The following TMIGD3 variants were observed in gnomAD, a reference collection of about 807,000 sequenced individuals.
TMIGD3 encodes AD026 protein (AD026).
In TMIGD3, 21 loss-of-function variants were observed where a neutral mutation model predicts 28.1. That is an observed-to-expected ratio of 0.75 (90% CI 0.53 to 1.08). The LOEUF (loss-of-function observed/expected upper bound fraction) is 1.08, where lower values mean the gene tolerates loss of function less well. TMIGD3 is among the 50% of genes least tolerant of loss of function. The pLI is 0.00. For synonymous variants in TMIGD3, 151 were observed against 162.1 expected, an observed-to-expected ratio of 0.93 and a Z score of 0.52; for missense variants, 416 against 435.6, an observed-to-expected ratio of 0.96 and a Z score of 0.40.
intron 1 of TMIGD3, among the ~76,000 whole-genome samples, chr1:111,514,976 C>G (rs1479966654): frequency 1.3e-5 from 2 of 152,224 alleles, no homozygotes; most frequent in Non-Finnish European, 2.9e-5. Flanking sequence ...GTTTGCACTG[C>G]TAGCAAAGGG....
At chr1:111,535,851 C>T (rs913475016) in intron 1 of TMIGD3, among the ~76,000 whole-genome samples, 3 of 152,188 alleles carry the variant, frequency 2.0e-5, no homozygotes, top group African/African-American at 7.2e-5. Context: ...AGAAACCCAG[C>T]TGCCTTCTCC....
chr1:111,522,749 C>A (rs548115830), intron 1 of TMIGD3, among the ~76,000 whole-genome samples: 2 of 152,214 alleles, frequency 1.3e-5, no homozygotes, highest in African/African-American at 4.8e-5. Context: ...AACTCCTGAC[C>A]TCGTGATCTG....
chr1:111,528,562 TTTTCAGAACTATAGATATAG>T (rs926442979), intron 1 of TMIGD3, among the ~76,000 whole-genome samples: 19 of 152,318 alleles, frequency 1.2e-4, no homozygotes, highest in Non-Finnish European at 2.1e-4. Flanking sequence ...CTTGGTGGAA[TTTTCAGAACTATAGATATAG>T]TTTCAGAACT....
intron 1 of TMIGD3, chr1:111,500,202 A>T: frequency 1.2e-6 from 2 of 1,614,196 alleles, no homozygotes; most frequent in South Asian, 2.2e-5. Context: ...ACAAGAAAAG[A>T]ACCAGAAACA....
intron 4 of TMIGD3, among the ~76,000 whole-genome samples, chr1:111,486,178 A>G (rs1654358179): frequency 6.6e-6 from 1 of 152,156 alleles, no homozygotes; most frequent in Non-Finnish European, 1.5e-5. Flanking sequence ...GAAAAAAGAG[A>G]AATATACAAG....
In TMIGD3 at chr1:111,540,953, C is replaced by T. The variant is rs540156049; in HGVS notation, c.107+22893G>A. Among the ~76,000 whole-genome samples, 9 of 152,246 alleles carry T rather than the reference C, an allele frequency of 5.9e-5. No individual in the cohort carries two copies. In the South Asian group the frequency reaches 1.0e-3, roughly 18 times the overall value. ...CACCTTTAATCAAATGCCTATGGAA[C>T]GACGGTTGGCAAACTTTTTCTGAAA... On this transcript the variant is annotated intron_variant, in intron 1 of 5. Coordinates refer to the TMIGD3 transcript ENST00000369717.
upstream of TMIGD3, among the ~76,000 whole-genome samples, chr1:111,507,900 C>G (rs574612779): frequency 3.9e-5 from 6 of 152,372 alleles, no homozygotes; most frequent in African/African-American, 1.4e-4. Context: ...TCTCCGGGCT[C>G]TGCCTCTCCA....
At chr1:111,548,951 A>G (rs1410606051) in intron 1 of TMIGD3, among the ~76,000 whole-genome samples, 1 of 152,224 alleles carries the variant, frequency 6.6e-6, no homozygotes, top group Non-Finnish European at 1.5e-5. Flanking sequence ...CAGACATGTT[A>G]TAAGTTAGTA....
At chr1:111,537,044 C>T (rs1232138114) in intron 1 of TMIGD3, among the ~76,000 whole-genome samples, 2 of 152,194 alleles carry the variant, frequency 1.3e-5, no homozygotes, top group Non-Finnish European at 2.9e-5. Context: ...TTCAAGTTTT[C>T]CTGCAACCAC....
intron 1 of TMIGD3, among the ~76,000 whole-genome samples, chr1:111,514,150 C>A (rs148402521): frequency 4.6e-5 from 7 of 152,300 alleles, no homozygotes; most frequent in African/African-American, 9.6e-5. Context: ...ATGTTAAACT[C>A]TTGTGTGGTA....
chr1:111,534,084 G>T (rs558379323), intron 1 of TMIGD3, among the ~76,000 whole-genome samples: 2 of 151,956 alleles, frequency 1.3e-5, no homozygotes, highest in Admixed American at 6.6e-5. Flanking sequence ...TAATAAGAAC[G>T]ATATAGATAT....
At chr1:111,509,483 C>T (rs6537704) in intron 1 of TMIGD3, among the ~76,000 whole-genome samples, 124,224 of 152,116 alleles carry the variant, frequency 0.82, 51,205 homozygotes, top group East Asian at 0.89. Context: ...CTTTGGATCC[C>T]GGTGTTGATT....
intron 1 of TMIGD3, among the ~76,000 whole-genome samples, chr1:111,533,950 G>A (rs1260857367): frequency 2.0e-5 from 3 of 152,106 alleles, no homozygotes; most frequent in Non-Finnish European, 2.9e-5. Context: ...CTTTGGGCCA[G>A]TTACTTAACC....
rs1273642333 is a variant in TMIGD3 at position 111,529,957 on chromosome 1, C to T, written c.107+33889G>A. Among the ~76,000 whole-genome samples, 618 of 138,678 alleles carry T rather than the reference C, an allele frequency of 4.5e-3. 5 individuals carry two copies. Among genetic ancestry groups the T allele is most frequent in the African/African-American group, 0.016 (584 of 36,048 alleles). 91.0% of individuals were successfully genotyped at this position (138,678 alleles called of 152,430 possible). ...CCCAGTAGGGGCGGCCGGGCAGAGG[C>T]GCCCCTCACCTCCCGGATGGGGCGG... On this transcript the variant is annotated intron_variant, in intron 1 of 5. Coordinates refer to the TMIGD3 transcript ENST00000369717.
intron 2 of TMIGD3, 200 bp downstream of exon 2, chr1:111,490,456 C>T (rs756426663): frequency 8.9e-6 from 5 of 564,818 alleles, no homozygotes; most frequent in Non-Finnish European, 1.3e-5. Flanking sequence ...TTTTCAATTT[C>T]CTCACAAACT....
chr1:111,536,370 A>G (rs1399461106), intron 1 of TMIGD3, among the ~76,000 whole-genome samples: 1 of 152,206 alleles, frequency 6.6e-6, no homozygotes, highest in Non-Finnish European at 1.5e-5. Context: ...CAAAGAAGCT[A>G]AAAGCCCTAG....
chr1:111,504,929 C>T (rs1385376039), upstream of TMIGD3: 10 of 985,272 alleles, frequency 1.0e-5, no homozygotes, highest in Non-Finnish European at 1.2e-5. Flanking sequence ...AAAGGGCAGT[C>T]CTCTCCAACT....
chr1:111,488,725 C>T lies in TMIGD3; in HGVS notation c.757G>A (p.Val253Ile). 1.2e-6 allele frequency: 2 copies of T among 1,614,206 alleles called. No individual in the cohort carries two copies. Among genetic ancestry groups the T allele is most frequent in the Non-Finnish European group, 1.7e-6 (2 of 1,180,026 alleles). The change falls in exon 3 of 6, where the codon GTA (valine) becomes ATA (isoleucine). Residue 253 changes from valine to isoleucine, a missense_variant. Coordinates refer to ENST00000369716, the MANE Select transcript of TMIGD3 (RefSeq NM_020683.7). ...GCCAGGGTTCCTTTGTCGTCAGTTACAATCAGCTCTGTAAAATCCATGTCA... is the reference window on the plus strand; with the variant it reads ...GCCAGGGTTCCTTTGTCGTCAGTTATAATCAGCTCTGTAAAATCCATGTCA... Reference protein sequence around the residue: ...RDDMDFTELIVTDDKGTLAND... With the variant: ...RDDMDFTELIITDDKGTLAND...
At chr1:111,527,936 C>T (rs943151344) in intron 1 of TMIGD3, among the ~76,000 whole-genome samples, 15 of 152,088 alleles carry the variant, frequency 9.9e-5, no homozygotes, top group Admixed American at 3.3e-4. Flanking sequence ...CAAAAATTAT[C>T]TTTCAGTCTG....
Sources: gnomAD v4.1 joint callset for allele counts (sites outside exome capture counted in the v4.1 genomes callset) on GRCh38, gnomAD v4.1.1 for gene constraint, MANE v1.5 for transcripts, NCBI Gene and HGNC (gene_info 2026-07-23, HGNC 2026-07-21) for gene names.